Variants in NLRP13 observed in about 807,000 individuals in gnomAD.
The protein encoded by NLRP13 is NACHT, LRR and PYD domains-containing protein 13.
A neutral mutation model predicts 94.4 loss-of-function variants in NLRP13; 82 were observed. The ratio of observed to expected loss-of-function variants is 0.87; its 90% CI spans 0.73 to 1.04. NLRP13 has a LOEUF of 1.04. Ranked by LOEUF, NLRP13 falls within the 50% of genes least tolerant of loss-of-function variation. The pLI is 0.00. For missense variants in NLRP13, 1,426 were observed against 1,230.8 expected (o/e 1.16, Z -2.37); for synonymous variants, 553 against 464.7 (o/e 1.19, Z -2.45).
intron 1 of NLRP13, among the ~76,000 whole-genome samples, chr19:55,931,722 AAAAG>A (rs1328414237): frequency 1.0e-3 from 109 of 107,406 alleles, no homozygotes; most frequent in East Asian, 6.7e-3. Context: ...AAAAAAAAAA[AAAAG>A]AAAGAAAGAA....
At chr19:55,904,237 C>T (rs946441611) in intron 8 of NLRP13, among the ~76,000 whole-genome samples, 3 of 152,100 alleles carry the variant, frequency 2.0e-5, no homozygotes, top group Non-Finnish European at 4.4e-5. Context: ...GGATTATAGG[C>T]ACCATGCCCG....
At chr19:55,904,476 G>C (rs7255627) in intron 8 of NLRP13, among the ~76,000 whole-genome samples, 22,937 of 152,076 alleles carry the variant, frequency 0.15, 2,335 homozygotes, top group East Asian at 0.31. Flanking sequence ...AGTATCACCT[G>C]TTCAAATAGG....
Position 55,898,946 on chromosome 19 carries a change from T to A in NLRP13, c.2790-9A>T, listed in dbSNP as rs1370744365. 6.2e-7 allele frequency: 1 copy of A among 1,604,890 alleles called. No individual in the cohort carries two copies. The highest frequency in any genetic ancestry group is 8.5e-7 in the Non-Finnish European group (1 of 1,176,794). ...AAGAACAACCTGACAAACTGCAAAA[T>A]AAAAACATACAAAAGGGGGGAAAGT... On this transcript the variant is annotated splice_polypyrimidine_tract_variant and intron_variant, in intron 9 of 10. Transcript: ENST00000342929.
intron 10 of NLRP13, among the ~76,000 whole-genome samples, chr19:55,898,529 G>A (rs1054072687): frequency 2.6e-5 from 4 of 152,080 alleles, no homozygotes; most frequent in Admixed American, 6.6e-5. Flanking sequence ...ATTTTTAGTA[G>A]AGACGGGGTT....
chr19:55,932,032 G>A lies in NLRP13; in HGVS notation c.280C>T (p.Leu94=). 2 of 1,613,990 alleles carry A rather than the reference G, an allele frequency of 1.2e-6. No homozygotes were observed. Among genetic ancestry groups the A allele is most frequent in the Non-Finnish European group, 8.5e-7 (1 of 1,180,030 alleles). Residue 94 remains leucine, a synonymous_variant, in exon 1 of 11, where the codon CTG becomes TTG. Transcript: ENST00000342929. ...CTAACTTTCTCACACAGTGAGGTCA[G>A]ATTCATTGTCTGGAAGATGCCGAGG... is the stretch of plus-strand genomic sequence containing the variant. ...VVLGIFQTMN[L]TSLCEKVRAE... is the part of the protein sequence containing the mutation.
chr19:55,930,714 A>G (rs1462893844), intron 1 of NLRP13, among the ~76,000 whole-genome samples: 1 of 148,178 alleles, frequency 6.7e-6, no homozygotes, highest in Non-Finnish European at 1.5e-5. Flanking sequence ...AAAAGAGTCA[A>G]TGTCTGGTTT....
downstream of NLRP13, among the ~76,000 whole-genome samples, chr19:55,893,617 G>A (rs748217981): frequency 3.0e-4 from 45 of 152,148 alleles, no homozygotes; most frequent in Non-Finnish European, 4.6e-4. Context: ...AACCACAAAG[G>A]TAGAGGATGA....
chr19:55,900,141 C>A (rs1182367175), intron 9 of NLRP13, among the ~76,000 whole-genome samples: 1 of 151,720 alleles, frequency 6.6e-6, no homozygotes, highest in African/African-American at 2.4e-5. Context: ...TTTGTACCCC[C>A]AAAACATATA....
chr19:55,913,292 G>C lies in NLRP13; in HGVS notation c.525C>G (p.Asp175Glu), dbSNP rs761278659. ...QEEPEMLEEA[D>E]HRRKYRENMK... The stretch of plus-strand genomic sequence containing the variant: ...TGTTCTCTCTGTATTTTCTTCTGTG[G>C]TCTAGAGAGGGCGGAGTGGGGAGAA... The change falls in exon 5 of 11, where the codon GAC (aspartate) becomes GAG (glutamate). Residue 175 changes from aspartate to glutamate, a missense_variant and splice_region_variant. Coordinates refer to ENST00000342929, the MANE Select transcript of NLRP13 (RefSeq NM_176810.2). The C allele has an allele frequency of 6.2e-7, 1 of 1,612,600 alleles. No homozygotes were observed. The highest frequency in any genetic ancestry group is 1.1e-5 in the South Asian group (1 of 90,990).
intron 9 of NLRP13, among the ~76,000 whole-genome samples, chr19:55,900,682 A>G (rs950840248): frequency 5.9e-5 from 9 of 151,836 alleles, no homozygotes; most frequent in Non-Finnish European, 1.2e-4. Flanking sequence ...AGGCTGAGAC[A>G]GGAGAATGAC....
chr19:55,912,293 C>CA lies in NLRP13; in HGVS notation c.1523dup (p.Glu509GlyfsTer6), dbSNP rs1303647334. The CA allele has an allele frequency of 3.7e-6, 6 of 1,613,990 alleles. No individual in the cohort carries two copies. The highest frequency in any genetic ancestry group is 5.1e-6 in the Non-Finnish European group (6 of 1,180,034). On this transcript the variant is annotated frameshift_variant, in exon 5 of 11. Transcript: ENST00000342929. LOFTEE classifies it high-confidence loss of function. ...AGAGAGAATCAATGAAAGGCACTTC[C>CA]AGGCCCTCGATCTCAGTGTCTTCTT... is the stretch of plus-strand genomic sequence containing the variant.
intron 7 of NLRP13, among the ~76,000 whole-genome samples, chr19:55,906,103 C>A (rs1453788615): frequency 1.3e-5 from 2 of 151,980 alleles, no homozygotes; most frequent in African/African-American, 4.8e-5. Flanking sequence ...CTTGGGAGGC[C>A]AAGGCGAGTG....
chr19:55,926,170 C>A (rs1460031314), intron 1 of NLRP13, among the ~76,000 whole-genome samples: 4 of 152,146 alleles, frequency 2.6e-5, no homozygotes, highest in Non-Finnish European at 5.9e-5. Flanking sequence ...ACGATGTGAG[C>A]CTTCCAGGTT....
intron 4 of NLRP13, among the ~76,000 whole-genome samples, chr19:55,917,992 A>C (rs1232769115): frequency 2.0e-5 from 3 of 152,014 alleles, no homozygotes; most frequent in African/African-American, 7.2e-5. Context: ...CATTCCTTGA[A>C]ATAGACCGTA....
chr19:55,899,706 G>A (rs375527857), intron 9 of NLRP13, among the ~76,000 whole-genome samples: 93 of 152,208 alleles, frequency 6.1e-4, no homozygotes, highest in African/African-American at 2.2e-3. Context: ...CTTAAACCCG[G>A]GAGGTGGAGG....
At chr19:55,908,503 A>G (rs1986417339) in intron 6 of NLRP13, among the ~76,000 whole-genome samples, 1 of 152,236 alleles carries the variant, frequency 6.6e-6, no homozygotes, top group Non-Finnish European at 1.5e-5. Flanking sequence ...TCACAATAGC[A>G]AAGACAGGAA....
downstream of NLRP13, chr19:55,895,838 A>C: frequency 1.6e-6 from 2 of 1,267,856 alleles, no homozygotes; most frequent in Non-Finnish European, 2.2e-6. Flanking sequence ...GTTGGCCTGC[A>C]TGGCCTGAGG....
At chr19:55,904,913 A>G (rs1381670002) in intron 8 of NLRP13, 29 bp downstream of exon 8, 2 of 1,599,020 alleles carry the variant, frequency 1.3e-6, no homozygotes, top group Admixed American at 1.7e-5. Context: ...ATAGAGTCAT[A>G]TCTAGAAATG....
intron 7 of NLRP13, 122 bp downstream of exon 7, chr19:55,907,670 G>A: frequency 1.1e-6 from 1 of 909,200 alleles, no homozygotes; most frequent in Admixed American, 2.2e-5. Flanking sequence ...ATTCTCCTTT[G>A]CTCATCCTTC....
Sources: gnomAD v4.1 joint callset for allele counts (sites outside exome capture counted in the v4.1 genomes callset) on GRCh38, gnomAD v4.1.1 for gene constraint, MANE v1.5 for transcripts, NCBI Gene and HGNC (gene_info 2026-07-23, HGNC 2026-07-21) for gene names.